The following KIZ variants were observed in gnomAD, a reference collection of about 807,000 sequenced individuals.
KIZ encodes the protein kizuna centrosomal protein, also known as centrosomal protein kizuna.
Under a neutral mutation model 79.6 loss-of-function variants are expected in KIZ, and 68 were observed. The ratio of observed to expected loss-of-function variants is 0.85; its 90% CI spans 0.70 to 1.05. The LOEUF is 1.05. KIZ is among the 50% of genes least tolerant of loss of function. The pLI, the probability that KIZ is intolerant of heterozygous loss-of-function variation, is 0.00. For synonymous variants in KIZ, 280 were observed against 281.8 expected (o/e 0.99, Z 0.06); for missense variants, 797 against 800.4 (o/e 1.00, Z 0.05).
chr20:21,146,130 T>C (rs1419808992), intron 4 of KIZ, among the ~76,000 whole-genome samples: 2 of 152,250 alleles, frequency 1.3e-5, no homozygotes, highest in African/African-American at 4.8e-5. Context: ...GCTATGTATC[T>C]GCTATAATGC....
chr20:21,235,161 A>G (rs1367975471), intron 11 of KIZ, among the ~76,000 whole-genome samples: 1 of 152,194 alleles, frequency 6.6e-6, no homozygotes, highest in Admixed American at 6.5e-5. Context: ...AGCGTTACAG[A>G]TTAATACACA....
intron 6 of KIZ, among the ~76,000 whole-genome samples, chr20:21,189,824 C>T (rs1433118270): frequency 6.6e-6 from 1 of 152,226 alleles, no homozygotes; most frequent in East Asian, 1.9e-4. Flanking sequence ...CACAGCCTGC[C>T]GTGGTCGCCT....
chr20:21,166,453 G>T lies in KIZ; in HGVS notation c.1352+3294G>T, dbSNP rs575238049. 17 of 1,586,606 alleles carry T rather than the reference G, an allele frequency of 1.1e-5. No individual in the cohort carries two copies. The Admixed American group carries it at 1.5e-4, about 14-fold the overall frequency. ...TGTGGTCATCAATGATTTCAAATTC[G>T]CCAGTGTAACCATGCTTCATCATCA... is the stretch of plus-strand genomic sequence containing the variant. On this transcript the variant is annotated intron_variant, in intron 6 of 12. Coordinates refer to ENST00000619189, the MANE Select transcript of KIZ (RefSeq NM_018474.6).
chr20:21,175,760 T>A lies in KIZ; in HGVS notation c.1352+12601T>A, dbSNP rs188777648. On this transcript the variant is annotated intron_variant, in intron 6 of 12. Transcript: ENST00000619189. ...CATGGTGGCTCACTCATGCCTATAA[T>A]CCCCAACACTTTGGGAGGCTGAGGC... Among the ~76,000 whole-genome samples, 39 of 152,212 alleles carry A rather than the reference T, an allele frequency of 2.6e-4. No individual in the cohort carries two copies. The East Asian group carries it at 6.9e-3, about 27-fold the overall frequency.
rs140954669 is a variant in KIZ, at chr20:21,129,988, G to A, written c.90-2109G>A. On this transcript the variant is annotated intron_variant, in intron 1 of 12. Transcript: ENST00000619189. Reference sequence around the variant, plus strand: ...CCTCATCACTCCTAAAATCTTCAATGTGTGTTTCCAAAAGCCAAGGATGTT... The same window carrying A: ...CCTCATCACTCCTAAAATCTTCAATATGTGTTTCCAAAAGCCAAGGATGTT... Among the ~76,000 whole-genome samples, 1,163 of 152,258 alleles carry A rather than the reference G, an allele frequency of 7.6e-3. 10 individuals carry two copies. The highest frequency in any genetic ancestry group is 0.011 in the Non-Finnish European group (772 of 68,024).
At chr20:21,132,466 A>T (rs1327113888) in intron 2 of KIZ, among the ~76,000 whole-genome samples, 1 of 152,074 alleles carries the variant, frequency 6.6e-6, no homozygotes, top group Non-Finnish European at 1.5e-5. Flanking sequence ...TTTTTAGTAG[A>T]GACTGGGTTT....
At chr20:21,142,466 A>G (rs2032607748) in intron 3 of KIZ, among the ~76,000 whole-genome samples, 1 of 152,094 alleles carries the variant, frequency 6.6e-6, no homozygotes. Context: ...TGGACCATGA[A>G]CTACTACTAT....
At chr20:21,161,800 G>GAA (rs113752643) in intron 4 of KIZ, 71 bp from the exon 5 acceptor site, 4,134 of 879,430 alleles carry the variant, frequency 4.7e-3, no homozygotes, top group Non-Finnish European at 5.6e-3. Flanking sequence ...TTCATTTCTG[G>GAA]AAAAAAAAAA....
At chr20:21,228,845 C>G (rs1374170088) in intron 9 of KIZ, among the ~76,000 whole-genome samples, 166 bp from the exon 10 acceptor site, 1 of 152,094 alleles carries the variant, frequency 6.6e-6, no homozygotes, top group African/African-American at 2.4e-5. Flanking sequence ...AACCCGGGTT[C>G]AACTAAATTG....
intron 11 of KIZ, among the ~76,000 whole-genome samples, chr20:21,233,271 G>C (rs1197382962): frequency 6.6e-6 from 1 of 152,000 alleles, no homozygotes; most frequent in African/African-American, 2.4e-5. Context: ...TTTTAACCAA[G>C]TGTTTAGGCT....
intron 9 of KIZ, among the ~76,000 whole-genome samples, chr20:21,224,841 T>G (rs1007429276): frequency 6.6e-6 from 1 of 152,222 alleles, no homozygotes; most frequent in Admixed American, 6.5e-5. Flanking sequence ...GGTGTACATT[T>G]GCATATAAAA....
intron 6 of KIZ, among the ~76,000 whole-genome samples, chr20:21,181,072 TTCA>T (rs1295572316): frequency 6.6e-6 from 1 of 152,236 alleles, no homozygotes; most frequent in Non-Finnish European, 1.5e-5. Flanking sequence ...TTGAAGGAGA[TTCA>T]TCATTCCAGA....
intron 9 of KIZ, among the ~76,000 whole-genome samples, chr20:21,227,544 A>C (rs2036697254): frequency 6.6e-6 from 1 of 151,884 alleles, no homozygotes. Flanking sequence ...AAAACAAAAC[A>C]GGGCATTTTT....
At chr20:21,216,350 TA>T (rs2036295277) in intron 9 of KIZ, among the ~76,000 whole-genome samples, 1 of 152,218 alleles carries the variant, frequency 6.6e-6, no homozygotes, top group Non-Finnish European at 1.5e-5. Context: ...TTTACACAAG[TA>T]AATACACCAT....
intron 6 of KIZ, among the ~76,000 whole-genome samples, chr20:21,171,306 T>C (rs945119325): frequency 2.6e-5 from 4 of 152,228 alleles, no homozygotes; most frequent in African/African-American, 9.6e-5. Flanking sequence ...TTTTAATAGC[T>C]CTTTCTACAT....
intron 6 of KIZ, among the ~76,000 whole-genome samples, chr20:21,182,602 C>T (rs1236921292): frequency 6.6e-6 from 1 of 152,058 alleles, no homozygotes; most frequent in Non-Finnish European, 1.5e-5. Flanking sequence ...TCAAGACCAA[C>T]CTAGGCAACA....
intron 4 of KIZ, among the ~76,000 whole-genome samples, chr20:21,157,716 G>A (rs2033451182): frequency 6.6e-6 from 1 of 152,114 alleles, no homozygotes; most frequent in Non-Finnish European, 1.5e-5. Context: ...CAGTAACTCA[G>A]GGGCACTTCC....
rs773841776 is a variant in KIZ, at chr20:21,205,591, A to G, written c.1446+7A>G. On this transcript the variant is annotated splice_region_variant and intron_variant, in intron 7 of 12. Transcript: ENST00000619189. ...TAATTCTGTCAAAGAAGAGGTAGGT[A>G]GCTAAACTGTCTGAAGTTTTCCCAA... The G allele has an allele frequency of 3.8e-6, 5 of 1,322,574 alleles. No homozygotes were observed. In the East Asian group the frequency reaches 1.2e-4, roughly 32 times the overall value. The allele number at this position is 1,322,574 out of a possible 1,614,324, so 81.9% of individuals were successfully genotyped here.
chr20:21,185,158 T>A (rs912047372), intron 6 of KIZ, among the ~76,000 whole-genome samples: 1 of 152,194 alleles, frequency 6.6e-6, no homozygotes, highest in Non-Finnish European at 1.5e-5. Context: ...GGTTGGAAGC[T>A]TTAGAATATT....
Sources: allele counts gnomAD v4.1 joint callset (sites outside exome capture counted in the v4.1 genomes callset), GRCh38; gene constraint gnomAD v4.1.1; transcripts MANE v1.5; gene names NCBI Gene and HGNC (gene_info 2026-07-23, HGNC 2026-07-21).